The following NPY2R variants were observed in gnomAD, a reference collection of about 807,000 sequenced individuals.
NPY2R encodes the protein neuropeptide Y receptor type 2.
A neutral mutation model predicts 22.3 loss-of-function variants in NPY2R; 17 were observed. The ratio of observed to expected loss-of-function variants is 0.76; its 90% CI spans 0.52 to 1.14. The LOEUF (loss-of-function observed/expected upper bound fraction) is 1.14, where lower values mean the gene tolerates loss of function less well. Among genes scored for constraint, NPY2R ranks in the 50% most tolerant of loss-of-function variants. The pLI, the probability that NPY2R is intolerant of heterozygous loss-of-function variation, is 0.00. For missense variants in NPY2R, 424 were observed against 467.9 expected, an observed-to-expected ratio of 0.91 and a Z score of 0.87; for synonymous variants, 209 against 183.4, an observed-to-expected ratio of 1.14 and a Z score of -1.13.
At chr4:155,174,042 A>G in the NPY2R span, 1 of 151,974 alleles carries the variant, frequency 6.6e-6, no homozygotes, top group Non-Finnish European at 1.5e-5. Flanking sequence ...TTCAAATGTT[A>G]GTATGAGCTG....
At chr4:155,190,015 A>C in the NPY2R span, among the ~76,000 whole-genome samples, 406 of 152,112 alleles carry the variant, frequency 2.7e-3, no homozygotes, top group Non-Finnish European at 4.5e-3. Context: ...GAAGTCACTG[A>C]ATGTACATCA....
At chr4:155,185,722 CA>C in the NPY2R span, among the ~76,000 whole-genome samples, 101 of 149,186 alleles carry the variant, frequency 6.8e-4, no homozygotes, top group African/African-American at 2.3e-3. Flanking sequence ...AAAAATCAAA[CA>C]AGTTGTTGAA....
At chr4:155,194,271 G>A in the NPY2R span, among the ~76,000 whole-genome samples, 2 of 151,802 alleles carry the variant, frequency 1.3e-5, no homozygotes, top group Admixed American at 6.6e-5. Flanking sequence ...TTAGGTTCAG[G>A]ACATACATGT....
At chr4:155,181,383 G>A in the NPY2R span, among the ~76,000 whole-genome samples, 4 of 152,068 alleles carry the variant, frequency 2.6e-5, no homozygotes, top group Non-Finnish European at 4.4e-5. Context: ...CAAAGAGTTA[G>A]GGAGAAATAA....
chr4:155,203,314 T>G, the NPY2R span, among the ~76,000 whole-genome samples: 1 of 152,142 alleles, frequency 6.6e-6, no homozygotes, highest in Non-Finnish European at 1.5e-5. Flanking sequence ...TTTAAGAAAT[T>G]TAGCCTATGA....
At chr4:155,179,697 T>C in the NPY2R span, among the ~76,000 whole-genome samples, 71,819 of 152,050 alleles carry the variant, frequency 0.47, 17,676 homozygotes, top group East Asian at 0.7. Context: ...TCTGCATATA[T>C]AGTTTGGGTT....
At chr4:155,190,548 T>G in the NPY2R span, among the ~76,000 whole-genome samples, 1 of 151,958 alleles carries the variant, frequency 6.6e-6, no homozygotes, top group Non-Finnish European at 1.5e-5. Context: ...GGGTGTTTAT[T>G]ATATATTCTT....
At chr4:155,174,297 G>A in the NPY2R span, 85 of 151,582 alleles carry the variant, frequency 5.6e-4, no homozygotes, top group Admixed American at 1.3e-3. Context: ...ACTGTTATAG[G>A]TATCTAAATG....
chr4:155,185,742 G>A, the NPY2R span, among the ~76,000 whole-genome samples: 1 of 147,616 alleles, frequency 6.8e-6, no homozygotes, highest in Non-Finnish European at 1.5e-5. Context: ...AAAGTTTCTT[G>A]TCACTTGATT....
chr4:155,185,044 A>ATTTTTT, the NPY2R span, among the ~76,000 whole-genome samples: 6 of 140,616 alleles, frequency 4.3e-5, no homozygotes, highest in East Asian at 6.5e-4. Context: ...ATATATATAT[A>ATTTTTT]TTTTTTTTTT....
the NPY2R span, among the ~76,000 whole-genome samples, chr4:155,194,741 C>T: frequency 6.6e-6 from 1 of 151,884 alleles, no homozygotes; most frequent in Non-Finnish European, 1.5e-5. Context: ...ATTTATATTC[C>T]TTTGAGTGTA....
Position 155,214,076 on chromosome 4 carries a change from T to C in NPY2R, c.137T>C (p.Leu46Pro), listed in dbSNP as rs775731493. 6.2e-7 allele frequency: 1 copy of C among 1,614,096 alleles called. No individual in the cohort carries two copies. Among genetic ancestry groups the C allele is most frequent in the Admixed American group, 1.7e-5 (1 of 60,028 alleles). ...CCAGAGCTTATAGATAGTACCAAGC[T>C]GATTGAGGTACAAGTTGTTCTCATA... ...PEPELIDSTK[L>P]IEVQVVLILA... is the part of the protein sequence containing the mutation. Residue 46 changes from leucine (L) to proline (P), a missense_variant, in exon 2 of 2, where the codon CTG (leucine) becomes CCG (proline). Physicochemically the swap from Leu to Pro is moderately conservative, Grantham distance 98 (BLOSUM62 -3). Transcript: ENST00000329476.
At chr4:155,202,594 ATTCAT>A in the NPY2R span, among the ~76,000 whole-genome samples, 10 of 152,164 alleles carry the variant, frequency 6.6e-5, no homozygotes, top group African/African-American at 1.9e-4. Context: ...TACTTGCATT[ATTCAT>A]TTCATGTTCT....
chr4:155,191,715 T>A, the NPY2R span, among the ~76,000 whole-genome samples: 1 of 151,894 alleles, frequency 6.6e-6, no homozygotes, highest in African/African-American at 2.4e-5. Context: ...ACATTAACCA[T>A]GCATTTTACT....
the NPY2R span, among the ~76,000 whole-genome samples, chr4:155,178,126 G>A: frequency 3.9e-5 from 6 of 152,120 alleles, no homozygotes; most frequent in Non-Finnish European, 8.8e-5. Flanking sequence ...AAGGCCAGAG[G>A]TTGGCAGCTA....
the NPY2R span, among the ~76,000 whole-genome samples, chr4:155,195,736 A>G: frequency 1.9e-4 from 29 of 152,034 alleles, no homozygotes; most frequent in African/African-American, 7.0e-4. Context: ...TCCAAACAAA[A>G]CGATTTCTTT....
Position 155,215,424 on chromosome 4 carries a change from G to GA in NPY2R, c.*343dup. Reference sequence around the variant, plus strand: ...TCAAAGCATTGCTGAGAGACGGTGGGAAAATAAGTTGACTTTCAAATCACG... The same window carrying GA: ...TCAAAGCATTGCTGAGAGACGGTGGGAAAAATAAGTTGACTTTCAAATCACG... On this transcript the variant is annotated 3_prime_UTR_variant, in exon 2 of 2. Transcript: ENST00000329476. 1 of 394,022 alleles carries GA rather than the reference G, an allele frequency of 2.5e-6. No homozygotes were observed. Among genetic ancestry groups the GA allele is most frequent in the Non-Finnish European group, 5.0e-6 (1 of 199,484 alleles). The allele number at this position is 394,022 out of a possible 1,614,324, so 24.4% of individuals were successfully genotyped here. A position where few individuals can be genotyped will look rare whatever the true frequency, so the allele number is the denominator to read the frequency against.
the NPY2R span, among the ~76,000 whole-genome samples, chr4:155,197,947 G>A: frequency 2.6e-5 from 4 of 151,838 alleles, no homozygotes; most frequent in African/African-American, 4.8e-5. Context: ...AACTTCTCAC[G>A]CCACTTCTAC....
intron 1 of NPY2R, among the ~76,000 whole-genome samples, chr4:155,212,991 TG>T (rs1468904414): frequency 1.3e-5 from 2 of 152,214 alleles, no homozygotes; most frequent in East Asian, 3.8e-4. Flanking sequence ...ACAAATTGAA[TG>T]GAGCTGGAGA....
Sources: allele counts gnomAD v4.1 joint callset (sites outside exome capture counted in the v4.1 genomes callset), GRCh38; gene constraint gnomAD v4.1.1; transcripts MANE v1.5; gene names NCBI Gene and HGNC (gene_info 2026-07-23, HGNC 2026-07-21).